The following VRK2 variants were observed in gnomAD, a reference collection of about 807,000 sequenced individuals.
VRK2 encodes VRK serine/threonine kinase 2, also known as serine/threonine-protein kinase VRK2.
Under a neutral mutation model 57.6 loss-of-function variants are expected in VRK2, and 60 were observed. The observed-to-expected ratio is 1.04, with a 90% CI of 0.85 to 1.29. VRK2 has a LOEUF of 1.29. VRK2 is among the 50% of genes most tolerant of loss of function. The pLI is 0.00. For synonymous variants in VRK2, 231 were observed against 199.2 expected, an observed-to-expected ratio of 1.16 and a Z score of -1.35; for missense variants, 705 against 588.1, an observed-to-expected ratio of 1.20 and a Z score of -2.06.
intron 1 of VRK2, among the ~76,000 whole-genome samples, chr2:57,982,809 T>C (rs546798311): frequency 3.9e-5 from 6 of 152,316 alleles, no homozygotes; most frequent in African/African-American, 7.2e-5. Flanking sequence ...ACAGTGAACA[T>C]TGGGGAATGG....
chr2:58,134,120 T>C (rs12105064), intron 9 of VRK2, among the ~76,000 whole-genome samples: 15,526 of 152,000 alleles, frequency 0.1, 2,694 homozygotes, highest in African/African-American at 0.35. Context: ...GCCCTCTTGT[T>C]TCCCATCCCT....
At chr2:57,996,876 G>C (rs1672940372) in intron 1 of VRK2, among the ~76,000 whole-genome samples, 3 of 151,252 alleles carry the variant, frequency 2.0e-5, no homozygotes, top group African/African-American at 7.3e-5. Flanking sequence ...ATAAATAGTT[G>C]TTGCACCATA....
chr2:58,027,469 G>A (rs1202145822), intron 2 of VRK2, among the ~76,000 whole-genome samples: 1 of 152,076 alleles, frequency 6.6e-6, no homozygotes, highest in African/African-American at 2.4e-5. Context: ...ACAGCAGAAA[G>A]CAGGATTTTC....
intron 7 of VRK2, among the ~76,000 whole-genome samples, chr2:58,094,128 G>A (rs1480439007): frequency 1.3e-5 from 2 of 152,196 alleles, no homozygotes; most frequent in Non-Finnish European, 2.9e-5. Context: ...TTTTGTCTTA[G>A]GATTGTCTTG....
At chr2:57,912,718 G>A (rs556661643) in intron 1 of VRK2, among the ~76,000 whole-genome samples, 2 of 152,194 alleles carry the variant, frequency 1.3e-5, no homozygotes, top group African/African-American at 2.4e-5. Context: ...TGGTATGCTG[G>A]GAAATTCAAA....
chr2:58,096,930 T>C (rs1673228287), intron 7 of VRK2, among the ~76,000 whole-genome samples: 1 of 151,982 alleles, frequency 6.6e-6, no homozygotes, highest in Admixed American at 6.6e-5. Flanking sequence ...ACCAAAAAAG[T>C]AGTTCAGTAG....
intron 1 of VRK2, among the ~76,000 whole-genome samples, chr2:57,996,069 G>A (rs1672913283): frequency 6.6e-6 from 1 of 152,126 alleles, no homozygotes; most frequent in South Asian, 2.1e-4. Context: ...ATTGCATTAG[G>A]TATTATAAGT....
chr2:58,031,340 C>A (rs1164948053), intron 2 of VRK2, among the ~76,000 whole-genome samples: 1 of 151,944 alleles, frequency 6.6e-6, no homozygotes, highest in Non-Finnish European at 1.5e-5. Flanking sequence ...AGAAGAGAGG[C>A]TTTGTTCCCG....
At chr2:57,929,130 C>A (rs557678284) in intron 1 of VRK2, among the ~76,000 whole-genome samples, 1 of 152,328 alleles carries the variant, frequency 6.6e-6, no homozygotes, top group African/African-American at 2.4e-5. Context: ...AGCTTGTCTC[C>A]TTGCCTTTAG....
intron 1 of VRK2, among the ~76,000 whole-genome samples, chr2:57,950,330 G>A (rs1277155174): frequency 6.6e-6 from 1 of 152,204 alleles, no homozygotes; most frequent in Non-Finnish European, 1.5e-5. Flanking sequence ...GACTAACACA[G>A]TTGGTGATTT....
intron 1 of VRK2, among the ~76,000 whole-genome samples, chr2:57,963,041 C>T (rs1378677978): frequency 1.1e-4 from 17 of 152,190 alleles, no homozygotes; most frequent in Non-Finnish European, 1.3e-4. Flanking sequence ...CTAAACCTTA[C>T]TTCCTCTTCT....
intron 7 of VRK2, among the ~76,000 whole-genome samples, chr2:58,113,690 A>T (rs1199480484): frequency 6.6e-6 from 1 of 152,126 alleles, no homozygotes; most frequent in Non-Finnish European, 1.5e-5. Flanking sequence ...TCACACGGTT[A>T]ATCACTTAGT....
At chr2:58,046,390 C>A (rs923314336), upstream of VRK2, 7 of 719,004 alleles carry the variant, frequency 9.7e-6, no homozygotes, top group African/African-American at 1.3e-4. Flanking sequence ...TAACTGGAGT[C>A]TTCGCTAGTA....
chr2:58,149,603 C>T (rs766374173), intron 12 of VRK2, among the ~76,000 whole-genome samples: 1 of 151,424 alleles, frequency 6.6e-6, no homozygotes, highest in African/African-American at 2.4e-5. Context: ...CAGTGGCCAT[C>T]CTTGCTTGGT....
At chr2:58,016,167 G>C (rs563195419) in intron 1 of VRK2, among the ~76,000 whole-genome samples, 2 of 151,234 alleles carry the variant, frequency 1.3e-5, no homozygotes, top group Non-Finnish European at 2.9e-5. Context: ...ATAAAATAGA[G>C]AGCATAATAA....
intron 1 of VRK2, among the ~76,000 whole-genome samples, chr2:57,976,162 G>T (rs1672246474): frequency 1.3e-5 from 2 of 152,186 alleles, no homozygotes; most frequent in South Asian, 4.1e-4. Flanking sequence ...TCAGTCCACT[G>T]TTCAGCATCT....
At chr2:58,032,953 A>G (rs1674161605) in intron 2 of VRK2, among the ~76,000 whole-genome samples, 1 of 152,090 alleles carries the variant, frequency 6.6e-6, no homozygotes, top group Non-Finnish European at 1.5e-5. Context: ...GTTCTGTCTC[A>G]CAAGACTCAG....
chr2:58,128,751 C>T (rs529176065), intron 8 of VRK2, among the ~76,000 whole-genome samples: 11 of 152,270 alleles, frequency 7.2e-5, no homozygotes, highest in African/African-American at 2.4e-4. Context: ...CTCTGAGACT[C>T]CATATTGTTA....
chr2:57,985,128 T>A (rs185859641), intron 1 of VRK2, among the ~76,000 whole-genome samples: 3 of 152,146 alleles, frequency 2.0e-5, no homozygotes, highest in East Asian at 3.9e-4. Context: ...GAGTGATAAA[T>A]AGACAAATAT....
Sources: allele counts gnomAD v4.1 joint callset (sites outside exome capture counted in the v4.1 genomes callset), GRCh38; gene constraint gnomAD v4.1.1; transcripts MANE v1.5; gene names NCBI Gene and HGNC (gene_info 2026-07-23, HGNC 2026-07-21).